The following IL4I1 variants were observed in gnomAD, a reference collection of about 807,000 sequenced individuals.
The protein encoded by IL4I1 is L-amino-acid oxidase.
IL4I1 carries 24 observed loss-of-function variants against 29.7 expected under a neutral mutation model. The ratio of observed to expected loss-of-function variants is 0.81; its 90% CI spans 0.59 to 1.14. IL4I1 has a LOEUF of 1.14. IL4I1 is among the 50% of genes most tolerant of loss of function. The pLI, the probability that IL4I1 is intolerant of heterozygous loss-of-function variation, is 0.00. For missense variants in IL4I1, 686 were observed against 785.6 expected (o/e 0.87, Z 1.52); for synonymous variants, 371 against 352.5 (o/e 1.05, Z -0.59).
intron 2 of IL4I1, among the ~76,000 whole-genome samples, chr19:49,905,589 G>C (rs894279768): frequency 2.0e-5 from 3 of 152,174 alleles, no homozygotes; most frequent in Admixed American, 2.0e-4. Context: ...CCAAGATGGT[G>C]CAAGGAAATT....
chr19:49,891,024 A>G lies in IL4I1; in HGVS notation c.720T>C (p.Tyr240=), dbSNP rs374831723. 173 of 1,600,494 alleles carry G rather than the reference A, an allele frequency of 1.1e-4. No individual in the cohort carries two copies. Among genetic ancestry groups the G allele is most frequent in the Non-Finnish European group, 1.4e-4 (168 of 1,174,236 alleles). The change falls in exon 7 of 8, where the codon TAT becomes TAC. Residue 240 remains tyrosine, a synonymous_variant. Transcript: ENST00000391826. ...CCCGGAGGGCCTCGGCGAAGCTGAG[A>G]TAGAAGAAGCCATCCTCGGACATCA... ...GDVMSEDGFF[Y]LSFAEALRAH...
intron 2 of IL4I1, chr19:49,907,930 C>T: frequency 2.0e-6 from 1 of 493,262 alleles, no homozygotes; most frequent in South Asian, 2.2e-5. Context: ...GGGACCAAGA[C>T]CATCAGCACT....
chr19:49,907,377 C>T lies in IL4I1; in HGVS notation c.-227-3056G>A, dbSNP rs151270836. 0.012 allele frequency: 4,050 copies of T among 341,342 alleles called. 229 individuals are homozygous for T. In the Admixed American group the frequency reaches 0.13, roughly 11 times the overall value. 21.1% of individuals were successfully genotyped at this position (341,342 alleles called of 1,614,324 possible). ...GCGCCCATCTGTGGTTCCTCAACAC[C>T]CTGTGTGTGCAGGCCCCTCAGCTGA... On this transcript the variant is annotated intron_variant, in intron 2 of 9. Transcript: ENST00000341114.
In IL4I1 at chr19:49,915,709, T is replaced by C. The variant is rs561894279; in HGVS notation, c.-227-11388A>G. 2.6e-5 allele frequency among the ~76,000 whole-genome samples: 4 copies of C among 152,298 alleles called. No individual in the cohort carries two copies. In the East Asian group the frequency reaches 7.7e-4, roughly 29 times the overall value. On this transcript the variant is annotated intron_variant, in intron 2 of 9. Transcript: ENST00000341114. The stretch of plus-strand genomic sequence containing the variant: ...GAAAGGGGCTGGGGTCAGGGGCAGG[T>C]CTGCCCTTGTGCATGGAGACCAAGG...
chr19:49,894,703 A>C lies in IL4I1; in HGVS notation c.366-234T>G, dbSNP rs746941189. On this transcript the variant is annotated intron_variant, in intron 4 of 7. Transcript: ENST00000391826. The stretch of plus-strand genomic sequence containing the variant: ...TTGGGTTAAGAGTGGGATAGAGCCC[A>C]GATTAGAATTGGGAAGGGGGACAGA... 3.3e-5 allele frequency among the ~76,000 whole-genome samples: 5 copies of C among 150,374 alleles called. No homozygotes were observed. In the East Asian group the frequency reaches 9.8e-4, roughly 29 times the overall value.
chr19:49,893,448 G>A (rs1319995975), intron 5 of IL4I1, among the ~76,000 whole-genome samples: 2 of 152,016 alleles, frequency 1.3e-5, no homozygotes, highest in Admixed American at 6.6e-5. Context: ...CTGCGGGATG[G>A]TGGGGCCATC....
chr19:49,907,688 A>G (rs1039719557), intron 2 of IL4I1: 5 of 352,548 alleles, frequency 1.4e-5, no homozygotes, highest in African/African-American at 1.1e-4. Flanking sequence ...ACAGGCGTCC[A>G]CCACACCTGA....
chr19:49,928,463 G>C (rs2075964756), intron 1 of IL4I1: 1 of 151,480 alleles, frequency 6.6e-6, no homozygotes, highest in Non-Finnish European at 1.5e-5. Flanking sequence ...TTTGCAGTGA[G>C]CCGAGATCGC....
chr19:49,897,020 G>A (rs370170806), upstream of IL4I1: 9 of 328,838 alleles, frequency 2.7e-5, no homozygotes, highest in South Asian at 8.5e-4. Context: ...GTCTAGTTGA[G>A]GTTGGAGAAA....
At chr19:49,899,169 G>T (rs561641075), upstream of IL4I1, among the ~76,000 whole-genome samples, 26 of 152,378 alleles carry the variant, frequency 1.7e-4, no homozygotes, top group African/African-American at 6.0e-4. Flanking sequence ...CCAATAGCTT[G>T]TTCAGTCCTA....
Position 49,891,482 on chromosome 19 carries a change from G to C in IL4I1, c.568-9C>G. The C allele has an allele frequency of 1.2e-6, 2 of 1,613,928 alleles. No individual in the cohort carries two copies. Among genetic ancestry groups the C allele is most frequent in the South Asian group, 2.2e-5 (2 of 91,084 alleles). On this transcript the variant is annotated splice_polypyrimidine_tract_variant and intron_variant, in intron 5 of 7. Coordinates refer to ENST00000391826, the MANE Select transcript of IL4I1 (RefSeq NM_152899.2). ...TTGAGGTCTTTGAGGGCCTGTTGTG[G>C]AAGAAGCAGACATGGTGCTGAGCTG...
chr19:49,919,690 C>T (rs2075717203), intron 2 of IL4I1, among the ~76,000 whole-genome samples: 1 of 152,168 alleles, frequency 6.6e-6, no homozygotes, highest in African/African-American at 2.4e-5. Flanking sequence ...GTCGCAGGAC[C>T]AACAGCAATT....
intron 2 of IL4I1, among the ~76,000 whole-genome samples, chr19:49,924,988 G>A (rs1227619210): frequency 1.3e-5 from 2 of 152,160 alleles, no homozygotes; most frequent in African/African-American, 4.8e-5. Flanking sequence ...CGGGCCAGGC[G>A]CGGTGGTTCA....
intron 3 of IL4I1, among the ~76,000 whole-genome samples, chr19:49,903,316 G>A (rs993675634): frequency 1.3e-5 from 2 of 152,140 alleles, no homozygotes; most frequent in Admixed American, 1.3e-4. Context: ...TTCTTGCCTC[G>A]GGAAACCTTT....
chr19:49,909,491 G>A (rs1377400275), intron 2 of IL4I1: 3 of 1,614,174 alleles, frequency 1.9e-6, no homozygotes, highest in Admixed American at 1.7e-5. Context: ...TGCCATGGCT[G>A]GGGTGGCAGC....
chr19:49,914,739 T>G (rs1056446533), intron 2 of IL4I1, among the ~76,000 whole-genome samples: 4 of 119,540 alleles, frequency 3.3e-5, no homozygotes, highest in Admixed American at 1.7e-4. Context: ...TTTTTTTTTT[T>G]TTTTTTTTTT....
chr19:49,908,812 C>T, intron 2 of IL4I1: 1 of 1,613,580 alleles, frequency 6.2e-7, no homozygotes, highest in Non-Finnish European at 8.5e-7. Flanking sequence ...GGCTCTCCAG[C>T]TGCGCGTAGG....
At chr19:49,891,494 A>G (rs374239094) in intron 5 of IL4I1, 21 bp from the exon 6 acceptor site, 2 of 1,612,496 alleles carry the variant, frequency 1.2e-6, no homozygotes, top group Non-Finnish European at 1.7e-6. Flanking sequence ...AGAAGCAGAC[A>G]TGGTGCTGAG....
Position 49,919,748 on chromosome 19 carries a change from G to C in IL4I1, c.-228+7946C>G, listed in dbSNP as rs144826936. On this transcript the variant is annotated intron_variant, in intron 2 of 9. Coordinates refer to the IL4I1 transcript ENST00000341114. ...AGCTAAGACAACCATGGAAAAGTTAGGAAACAGCCAGAGAGAGATTTTAAG... is the reference window on the plus strand; with the variant it reads ...AGCTAAGACAACCATGGAAAAGTTACGAAACAGCCAGAGAGAGATTTTAAG... 4.9e-3 allele frequency among the ~76,000 whole-genome samples: 753 copies of C among 152,232 alleles called. 11 individuals are homozygous for C. The highest frequency in any genetic ancestry group is 0.017 in the African/African-American group (721 of 41,540).
Sources: allele counts gnomAD v4.1 joint callset (sites outside exome capture counted in the v4.1 genomes callset), GRCh38; gene constraint gnomAD v4.1.1; transcripts MANE v1.5; gene names NCBI Gene and HGNC (gene_info 2026-07-23, HGNC 2026-07-21).